The following PRRC2B variants were observed in gnomAD, a reference collection of about 807,000 sequenced individuals.
PRRC2B encodes protein PRRC2B.
PRRC2B carries 68 observed loss-of-function variants against 242.3 expected under a neutral mutation model. The observed-to-expected ratio is 0.28, with a 90% confidence interval of 0.23 to 0.34. PRRC2B has a LOEUF of 0.34. Among genes scored for constraint, PRRC2B ranks in the 10% least tolerant of loss-of-function variants. The probability of loss-of-function intolerance (pLI) is 1.00; values close to 1 mark genes in which losing one functional copy is unlikely to be tolerated. For synonymous variants in PRRC2B, 1,228 were observed against 1,173.6 expected, an observed-to-expected ratio of 1.05 and a Z score of -0.95; for missense variants, 2,835 against 2,954.8, an observed-to-expected ratio of 0.96 and a Z score of 0.94.
chr9:131,434,554 G>C (rs1287840961), intron 3 of PRRC2B, among the ~76,000 whole-genome samples: 1 of 152,214 alleles, frequency 6.6e-6, no homozygotes, highest in Non-Finnish European at 1.5e-5. Context: ...ACAAAAGTGC[G>C]ACTACTTGGA....
chr9:131,450,416 C>T (rs1001201391), intron 9 of PRRC2B, among the ~76,000 whole-genome samples: 2 of 151,726 alleles, frequency 1.3e-5, no homozygotes, highest in African/African-American at 4.8e-5. Context: ...TATAGGCGCG[C>T]ACCACATGCC....
At chr9:131,404,649 T>G (rs761305064) in intron 1 of PRRC2B, among the ~76,000 whole-genome samples, 9 of 152,190 alleles carry the variant, frequency 5.9e-5, no homozygotes, top group Admixed American at 2.0e-4. Context: ...AAACCCACAT[T>G]ATCCACATGC....
intron 1 of PRRC2B, among the ~76,000 whole-genome samples, chr9:131,397,214 C>G (rs999613773): frequency 2.6e-5 from 4 of 152,210 alleles, no homozygotes; most frequent in African/African-American, 4.8e-5. Flanking sequence ...CTTCTGCATA[C>G]CTGTGAATTT....
intron 1 of PRRC2B, among the ~76,000 whole-genome samples, chr9:131,412,797 C>CTT (rs35175798): frequency 0.73 from 100,720 of 137,896 alleles, 39,029 homozygotes; most frequent in East Asian, 0.95. Flanking sequence ...CTCTCTCTCT[C>CTT]TTTTTTTTTT....
At chr9:131,417,836 G>T (rs1189634570) in intron 1 of PRRC2B, among the ~76,000 whole-genome samples, 1 of 152,188 alleles carries the variant, frequency 6.6e-6, no homozygotes, top group Non-Finnish European at 1.5e-5. Context: ...ATGTACACGG[G>T]TGTGGGAGTA....
Position 131,477,967 on chromosome 9 carries a change from C to T in PRRC2B, c.4612+18C>T. ...CTATGGAAGTAAGTCATCCTCATAT[C>T]TTCAGGGGAAAGAACTCAGGCAGAA... On this transcript the variant is annotated intron_variant, in intron 17 of 31. Coordinates refer to ENST00000683519, the MANE Select transcript of PRRC2B (RefSeq NM_013318.4). The T allele has an allele frequency of 6.2e-7, 1 of 1,608,484 alleles. No individual in the cohort carries two copies. The highest frequency in any genetic ancestry group is 8.5e-7 in the Non-Finnish European group (1 of 1,175,126).
chr9:131,482,152 C>T lies in PRRC2B; in HGVS notation c.4984-219C>T, dbSNP rs1943888597. On this transcript the variant is annotated intron_variant, in intron 20 of 31. Transcript: ENST00000683519. The surrounding 1 kb of genome is among the most constrained non-coding windows in gnomAD (Gnocchi z 5.2). ...TGGGTTTGGCAGCCTCGGTCTGGGGCCCATAGAAGATCCTGTGGTCACGAG... is the reference window on the plus strand; with the variant it reads ...TGGGTTTGGCAGCCTCGGTCTGGGGTCCATAGAAGATCCTGTGGTCACGAG... 6.6e-6 allele frequency among the ~76,000 whole-genome samples: 1 copy of T among 152,194 alleles called. No individual in the cohort carries two copies. Among genetic ancestry groups the T allele is most frequent in the Admixed American group, 6.5e-5 (1 of 15,282 alleles).
chr9:131,420,484 T>TCTTG (rs1837792319), intron 1 of PRRC2B, among the ~76,000 whole-genome samples: 1 of 16,470 alleles, frequency 6.1e-5, no homozygotes, highest in Non-Finnish European at 1.9e-4. Context: ...TTTCTTTCTT[T>TCTTG]CTTTCTTTCT....
intron 1 of PRRC2B, among the ~76,000 whole-genome samples, chr9:131,383,392 A>G (rs542305): frequency 0.57 from 86,517 of 151,712 alleles, 26,185 homozygotes; most frequent in East Asian, 0.82. Flanking sequence ...TTCCTGGATC[A>G]GATCATATTA....
intron 1 of PRRC2B, among the ~76,000 whole-genome samples, chr9:131,408,876 C>T (rs754262434): frequency 1.3e-5 from 2 of 152,068 alleles, no homozygotes; most frequent in Admixed American, 6.6e-5. Context: ...TGTGCCACCA[C>T]ACCCAGCTAA....
chr9:131,439,947 A>G (rs998416436), intron 5 of PRRC2B, among the ~76,000 whole-genome samples: 2 of 149,352 alleles, frequency 1.3e-5, no homozygotes, highest in African/African-American at 2.5e-5. Context: ...AGATTTCACT[A>G]TGTTGCCCAG....
chr9:131,414,565 A>T lies in PRRC2B; in HGVS notation c.-51-15529A>T, dbSNP rs370028376. On this transcript the variant is annotated intron_variant, in intron 1 of 31. Transcript: ENST00000683519. ...CCCTCTGGCCCATGGTGCGGCTACCATCTTGGGCTTTTTTTTTTTTTGGAG... is the reference window on the plus strand; with the variant it reads ...CCCTCTGGCCCATGGTGCGGCTACCTTCTTGGGCTTTTTTTTTTTTTGGAG... Among the ~76,000 whole-genome samples the T allele has an allele frequency of 2.8e-4, 41 of 148,078 alleles. No homozygotes were observed. In the East Asian group the frequency reaches 6.8e-3, roughly 25 times the overall value.
chr9:131,476,124 C>G lies in PRRC2B; in HGVS notation c.3995C>G (p.Pro1332Arg). The change falls in exon 16 of 32, where the codon CCC becomes CGC. Residue 1332 changes from proline to arginine, a missense_variant. By Grantham distance (103) the Pro-to-Arg change is moderately radical (BLOSUM62 -2). Transcript: ENST00000683519. Reference sequence around the variant, plus strand: ...GGCCTGTGGGGACCCGAGGAGGAGCCCCACCTGCTGGCAGGTCAGTGGCCA... The same window carrying G: ...GGCCTGTGGGGACCCGAGGAGGAGCGCCACCTGCTGGCAGGTCAGTGGCCA... ...SLGLWGPEEE[P>R]HLLAGQWPGR... is the part of the protein sequence containing the mutation. The G allele has an allele frequency of 6.2e-7, 1 of 1,610,272 alleles. No individual in the cohort carries two copies. The highest frequency in any genetic ancestry group is 8.5e-7 in the Non-Finnish European group (1 of 1,177,580).
intron 1 of PRRC2B, among the ~76,000 whole-genome samples, chr9:131,387,865 C>A (rs1019676788): frequency 2.0e-5 from 3 of 150,806 alleles, no homozygotes; most frequent in Admixed American, 6.8e-5. Flanking sequence ...CCTGTTGCAA[C>A]AGTAATATTT....
At chr9:131,467,329 C>T (rs1943425373) in intron 12 of PRRC2B, among the ~76,000 whole-genome samples, 1 of 152,212 alleles carries the variant, frequency 6.6e-6, no homozygotes, top group African/African-American at 2.4e-5. Flanking sequence ...AACCTCTTGA[C>T]CCTTAGTGTC....
rs200720770 is a variant in PRRC2B, at chr9:131,410,914, A to AT, written c.-52+16659dup. Among the ~76,000 whole-genome samples the AT allele has an allele frequency of 2.5e-3, 380 of 150,446 alleles. 6 individuals carry two copies. In the East Asian group the frequency reaches 0.04, roughly 16 times the overall value. On this transcript the variant is annotated intron_variant, in intron 1 of 31. Transcript: ENST00000683519. ...AACTTGGATGCTTAATTTATATTTCATTTTTTTTCGTTAGGAATTTGGTTT... is the reference window on the plus strand; with the variant it reads ...AACTTGGATGCTTAATTTATATTTCATTTTTTTTTCGTTAGGAATTTGGTTT...
chr9:131,485,643 G>GT (rs776325240), intron 25 of PRRC2B: 3 of 534,966 alleles, frequency 5.6e-6, no homozygotes, highest in Non-Finnish European at 1.1e-5. Flanking sequence ...AAGCGTGGGG[G>GT]TTTTGAGGGC....
At chr9:131,381,161 T>C (rs1403358346) in intron 1 of PRRC2B, among the ~76,000 whole-genome samples, 1 of 152,110 alleles carries the variant, frequency 6.6e-6, no homozygotes, top group Non-Finnish European at 1.5e-5. Context: ...CACTAGTTGT[T>C]GTGTCTTCCT....
rs1453585111 is a variant in PRRC2B, at chr9:131,479,272, C to A, written c.4779C>A (p.Gly1593=). 2 of 1,613,874 alleles carry A rather than the reference C, an allele frequency of 1.2e-6. No individual in the cohort carries two copies. The highest frequency in any genetic ancestry group is 8.5e-7 in the Non-Finnish European group (1 of 1,179,822). ...CTCAGGTGCCTGTCAAAGGTCGAGG[C>A]CTTTCCTCCCGTATTCCTCCTCGAT... ...QAVQVPVKGR[G]LSSRIPPRFA... The change falls in exon 19 of 32, where the codon GGC becomes GGA. Residue 1593 remains glycine, a synonymous_variant. Transcript: ENST00000683519.
Sources: gnomAD v4.1 joint callset for allele counts (sites outside exome capture counted in the v4.1 genomes callset) on GRCh38, gnomAD v4.1.1 for gene constraint, Gnocchi (gnomAD v3.1) non-coding constraint, MANE v1.5 for transcripts, NCBI Gene and HGNC (gene_info 2026-07-23, HGNC 2026-07-21) for gene names.